Variants in BRIP1 observed in about 807,000 individuals in gnomAD.
BRIP1 encodes the protein Fanconi anemia group J protein.
Under a neutral mutation model 119.7 loss-of-function variants are expected in BRIP1, and 88 were observed. That is an observed-to-expected ratio of 0.74 (90% CI 0.62 to 0.88). BRIP1 has a LOEUF of 0.88. Ranked by LOEUF, BRIP1 falls within the 40% of genes least tolerant of loss-of-function variation. BRIP1 has a pLI of 0.00. For synonymous variants in BRIP1, 443 were observed against 496.5 expected, an observed-to-expected ratio of 0.89 and a Z score of 1.43; for missense variants, 1,259 against 1,455.4, an observed-to-expected ratio of 0.87 and a Z score of 2.20.
rs1331939524 is a variant in BRIP1 at position 61,844,881 on chromosome 17, T to G, written c.627+2220A>C. ...TTCCTTCTCAGAGTTTCCTCATCTG[T>G]ACGATGGGAATACCAATATACCTGC... On this transcript the variant is annotated intron_variant, in intron 6 of 19. Transcript: ENST00000259008. This position sits in a 1 kb window ranked among gnomAD's most constrained non-coding sequence, Gnocchi z 4.7. 1.3e-5 allele frequency among the ~76,000 whole-genome samples: 2 copies of G among 152,206 alleles called. No individual in the cohort carries two copies. The highest frequency in any genetic ancestry group is 2.4e-5 in the African/African-American group (1 of 41,456).
In BRIP1 at chr17:61,846,246, A is replaced by AGAGAGAGAGAGAGAAAG. The variant is rs2078729625; in HGVS notation, c.627+854_627+855insCTTTCTCTCTCTCTCTC. Among the ~76,000 whole-genome samples the AGAGAGAGAGAGAGAAAG allele has an allele frequency of 8.0e-6, 1 of 124,800 alleles. No individual in the cohort carries two copies. Among genetic ancestry groups the AGAGAGAGAGAGAGAAAG allele is most frequent in the Non-Finnish European group, 1.5e-5 (1 of 67,202 alleles). The allele number at this position is 124,800 out of a possible 152,430, so 81.9% of individuals were successfully genotyped here. Reference sequence around the variant, plus strand: ...ACATATAGAGAGAGAGAGAGAGAAAAAGAGAGAGAGAGAGAAAGAGAGAGA... The same window carrying AGAGAGAGAGAGAGAAAG: ...ACATATAGAGAGAGAGAGAGAGAAAAGAGAGAGAGAGAGAAAGAGAGAGAGAGAGAGAAAGAGAGAGA... On this transcript the variant is annotated intron_variant, in intron 6 of 19. Coordinates refer to ENST00000259008, the MANE Select transcript of BRIP1 (RefSeq NM_032043.3). This position sits in a 1 kb window ranked among gnomAD's most constrained non-coding sequence, Gnocchi z 4.3.
Position 61,849,263 on chromosome 17 carries a change from T to TATAA in BRIP1, c.380-8_380-7insTTAT. 1 of 1,606,930 alleles carries TATAA rather than the reference T, an allele frequency of 6.2e-7. No individual in the cohort carries two copies. Among genetic ancestry groups the TATAA allele is most frequent in the Non-Finnish European group, 8.5e-7 (1 of 1,177,098 alleles). ...GTGGTTTTTTCAGGGGAGTCTTATATAAGTAATTTAAAAAAAACAGCATAA... is the reference window on the plus strand; with the variant it reads ...GTGGTTTTTTCAGGGGAGTCTTATATATAAAAGTAATTTAAAAAAAACAGCATAA... On this transcript the variant is annotated splice_region_variant and splice_polypyrimidine_tract_variant and intron_variant, in intron 4 of 19. Coordinates refer to ENST00000259008, the MANE Select transcript of BRIP1 (RefSeq NM_032043.3).
At chr17:61,788,176 ACAC>A (rs1212112161) in intron 10 of BRIP1, among the ~76,000 whole-genome samples, 5 of 152,168 alleles carry the variant, frequency 3.3e-5, no homozygotes, top group African/African-American at 1.2e-4. Context: ...TAAAAATCAA[ACAC>A]CAGTTTTATA....
chr17:61,800,140 A>G (rs2077967907), intron 8 of BRIP1, among the ~76,000 whole-genome samples: 1 of 152,178 alleles, frequency 6.6e-6, no homozygotes, highest in African/African-American at 2.4e-5. Flanking sequence ...CTTGCCTGAG[A>G]ATAAAGCCAT....
chr17:61,747,281 A>C (rs2077070535), intron 14 of BRIP1, among the ~76,000 whole-genome samples: 1 of 152,150 alleles, frequency 6.6e-6, no homozygotes, highest in Non-Finnish European at 1.5e-5. Flanking sequence ...GAAAAAGAAC[A>C]AAGTAAATAC....
At position 61,805,011 on chromosome 17, in the gene BRIP1, T is replaced by C. The variant is rs1287481540; in HGVS notation, c.918+3456A>G. Reference sequence around the variant, plus strand: ...GTGTGTGTGTGTGTGTAAAATTAAATTGTATTTGTATACGTCTGTATAATA... The same window carrying C: ...GTGTGTGTGTGTGTGTAAAATTAAACTGTATTTGTATACGTCTGTATAATA... On this transcript the variant is annotated intron_variant, in intron 7 of 19. Coordinates refer to ENST00000259008, the MANE Select transcript of BRIP1 (RefSeq NM_032043.3). The surrounding 1 kb of genome is among the most constrained non-coding windows in gnomAD (Gnocchi z 5.6). 6.6e-6 allele frequency among the ~76,000 whole-genome samples: 1 copy of C among 150,484 alleles called. No homozygotes were observed. Among genetic ancestry groups the C allele is most frequent in the Admixed American group, 6.6e-5 (1 of 15,082 alleles).
At position 61,752,733 on chromosome 17, in the gene BRIP1, TTATA is replaced by T. The variant is rs1567788540; in HGVS notation, c.2098-8146_2098-8143del. Among the ~76,000 whole-genome samples, 1 of 152,166 alleles carries T rather than the reference TTATA, an allele frequency of 6.6e-6. No homozygotes were observed. Among genetic ancestry groups the T allele is most frequent in the African/African-American group, 2.4e-5 (1 of 41,438 alleles). ...ATAAAATCTGTGATAGGTGTTAACT[TTATA>T]TGTGAGCTATGACTTTATCTTTTTG... is the stretch of plus-strand genomic sequence containing the variant. On this transcript the variant is annotated intron_variant, in intron 14 of 19. Transcript: ENST00000259008. The surrounding 1 kb of genome is among the most constrained non-coding windows in gnomAD (Gnocchi z 6.2).
rs1397869562 is a variant in BRIP1 at position 61,780,507 on chromosome 17, C to A, written c.1795-106G>T. 2.8e-5 allele frequency: 29 copies of A among 1,043,670 alleles called. No individual in the cohort carries two copies. Among genetic ancestry groups the A allele is most frequent in the Non-Finnish European group, 4.0e-5 (27 of 675,186 alleles). 64.7% of individuals were successfully genotyped at this position (1,043,670 alleles called of 1,614,324 possible). Reference sequence around the variant, plus strand: ...CTTTGGGAGGCTGAAGCAGGAAGATCGCTTGAGTCTAGGAGTCTGAGACCA... The same window carrying A: ...CTTTGGGAGGCTGAAGCAGGAAGATAGCTTGAGTCTAGGAGTCTGAGACCA... On this transcript the variant is annotated intron_variant, in intron 12 of 19. Transcript: ENST00000259008. The surrounding 1 kb of genome is among the most constrained non-coding windows in gnomAD (Gnocchi z 5.4).
At position 61,730,335 on chromosome 17, in the gene BRIP1, T is replaced by G. The variant is rs567507580; in HGVS notation, c.2379+12678A>C. Among the ~76,000 whole-genome samples the G allele has an allele frequency of 6.6e-6, 1 of 152,288 alleles. No individual in the cohort carries two copies. The highest frequency in any genetic ancestry group is 2.4e-5 in the African/African-American group (1 of 41,568). On this transcript the variant is annotated intron_variant, in intron 16 of 19. Coordinates refer to ENST00000259008, the MANE Select transcript of BRIP1 (RefSeq NM_032043.3). This position sits in a 1 kb window ranked among gnomAD's most constrained non-coding sequence, Gnocchi z 4.3. ...TCTGTAGGCATTGAGAGAATTTGAC[T>G]GAATAAACTGATTAAAATTCACAAC...
rs1033748168 is a variant in BRIP1, at chr17:61,735,441, G to T, written c.2379+7572C>A. On this transcript the variant is annotated intron_variant, in intron 16 of 19. Coordinates refer to ENST00000259008, the MANE Select transcript of BRIP1 (RefSeq NM_032043.3). The surrounding 1 kb of genome is among the most constrained non-coding windows in gnomAD (Gnocchi z 4.4). ...GAAGTATACTGTCATGATACGAGGG[G>T]GCTTGTGAAAAGGCCACATGGCAAG... is the stretch of plus-strand genomic sequence containing the variant. 5.9e-5 allele frequency among the ~76,000 whole-genome samples: 9 copies of T among 152,058 alleles called. No homozygotes were observed. Among genetic ancestry groups the T allele is most frequent in the Non-Finnish European group, 1.5e-5 (1 of 68,028 alleles).
In BRIP1 at chr17:61,789,821, T is replaced by C. The variant is rs890534988; in HGVS notation, c.1473+3776A>G. 3.3e-5 allele frequency among the ~76,000 whole-genome samples: 5 copies of C among 152,216 alleles called. No individual in the cohort carries two copies. Among genetic ancestry groups the C allele is most frequent in the Admixed American group, 2.0e-4 (3 of 15,276 alleles). ...TATTTATAATAAGCAAATATGGGCA[T>C]AGAAGAAGGCATAAGTAGACATAAA... On this transcript the variant is annotated intron_variant, in intron 10 of 19. Transcript: ENST00000259008. The surrounding 1 kb of genome is among the most constrained non-coding windows in gnomAD (Gnocchi z 4.8).
chr17:61,705,351 T>C lies in BRIP1; in HGVS notation c.2492+10600A>G, dbSNP rs2061677022. Among the ~76,000 whole-genome samples the C allele has an allele frequency of 6.6e-6, 1 of 152,164 alleles. No homozygotes were observed. Among genetic ancestry groups the C allele is most frequent in the African/African-American group, 2.4e-5 (1 of 41,450 alleles). On this transcript the variant is annotated intron_variant, in intron 17 of 19. Transcript: ENST00000259008. This position sits in a 1 kb window ranked among gnomAD's most constrained non-coding sequence, Gnocchi z 5.0. ...TTATCTAGTCCACCGTTGATAGGTA[T>C]TTGAGTTGCTTCTATGCCTTTGCTT...
At position 61,759,198 on chromosome 17, in the gene BRIP1, G is replaced by A. The variant is rs1481285518; in HGVS notation, c.2098-14607C>T. ...CTGCCTACAAGAGATTTGCTTTTAA[G>A]GATGCACAGAGGCTGAAAGTGAGCA... On this transcript the variant is annotated intron_variant, in intron 14 of 19. Transcript: ENST00000259008. This position sits in a 1 kb window ranked among gnomAD's most constrained non-coding sequence, Gnocchi z 4.9. 1.3e-5 allele frequency among the ~76,000 whole-genome samples: 2 copies of A among 152,000 alleles called. No homozygotes were observed. Among genetic ancestry groups the A allele is most frequent in the African/African-American group, 2.4e-5 (1 of 41,414 alleles).
In BRIP1 at chr17:61,700,482, G is replaced by A. The variant is rs1327332787; in HGVS notation, c.2493-6970C>T. 6.6e-6 allele frequency among the ~76,000 whole-genome samples: 1 copy of A among 152,114 alleles called. No homozygotes were observed. Among genetic ancestry groups the A allele is most frequent in the East Asian group, 1.9e-4 (1 of 5,192 alleles). ...TTTGTTAGATATAGTATTCTTGGTT[G>A]ACAGTCATTTTCTTTCAGCACTTTG... On this transcript the variant is annotated intron_variant, in intron 17 of 19. Coordinates refer to ENST00000259008, the MANE Select transcript of BRIP1 (RefSeq NM_032043.3). This position sits in a 1 kb window ranked among gnomAD's most constrained non-coding sequence, Gnocchi z 4.1.
In BRIP1 at chr17:61,825,445, C is replaced by G. The variant is rs1427576171; in HGVS notation, c.628-16688G>C. On this transcript the variant is annotated intron_variant, in intron 6 of 19. Coordinates refer to ENST00000259008, the MANE Select transcript of BRIP1 (RefSeq NM_032043.3). The surrounding 1 kb of genome is among the most constrained non-coding windows in gnomAD (Gnocchi z 4.1). ...GAGGAAGTCAAACTATCCCTCTTTGCAGATGACATGATCCTATATCTAGAA... is the reference window on the plus strand; with the variant it reads ...GAGGAAGTCAAACTATCCCTCTTTGGAGATGACATGATCCTATATCTAGAA... 6.6e-6 allele frequency among the ~76,000 whole-genome samples: 1 copy of G among 151,908 alleles called. No homozygotes were observed. Among genetic ancestry groups the G allele is most frequent in the East Asian group, 1.9e-4 (1 of 5,186 alleles).
intron 6 of BRIP1, among the ~76,000 whole-genome samples, chr17:61,838,914 CTT>C (rs928950206): frequency 1.8e-4 from 27 of 151,908 alleles, no homozygotes; most frequent in Admixed American, 6.6e-5. Flanking sequence ...AATATTAAAA[CTT>C]ACGACATTAA....
intron 17 of BRIP1, among the ~76,000 whole-genome samples, chr17:61,694,651 G>A (rs1364527676): frequency 5.3e-5 from 8 of 151,526 alleles, no homozygotes; most frequent in Non-Finnish European, 8.8e-5. Flanking sequence ...TACGTACAAG[G>A]GTTCCAAAAT....
chr17:61,765,060 G>A (rs1052729526), intron 14 of BRIP1, among the ~76,000 whole-genome samples: 2 of 151,414 alleles, frequency 1.3e-5, no homozygotes, highest in Admixed American at 6.6e-5. Flanking sequence ...CTTTCACCTC[G>A]AGATGATGGA....
At position 61,686,186 on chromosome 17, in the gene BRIP1, AG is replaced by A; in HGVS notation, c.2576-22del. 6.2e-7 allele frequency: 1 copy of A among 1,611,820 alleles called. No individual in the cohort carries two copies. The highest frequency in any genetic ancestry group is 2.2e-5 in the East Asian group (1 of 44,860). On this transcript the variant is annotated intron_variant, in intron 18 of 19. Transcript: ENST00000259008. This position sits in a 1 kb window ranked among gnomAD's most constrained non-coding sequence, Gnocchi z 5.4. ...AAGTCCTAAAGAAAAAGGTAAACCC[AG>A]GGAAAATTTGGTTACTTAGTTATTA...
Sources: gnomAD v4.1 joint callset for allele counts (sites outside exome capture counted in the v4.1 genomes callset) on GRCh38, gnomAD v4.1.1 for gene constraint, Gnocchi (gnomAD v3.1) non-coding constraint, MANE v1.5 for transcripts, NCBI Gene and HGNC (gene_info 2026-07-23, HGNC 2026-07-21) for gene names.